Variants in SEPTIN3 observed in about 807,000 individuals in gnomAD.
SEPTIN3 encodes the protein septin 3, also known as neuronal-specific septin-3.
In SEPTIN3, 15 loss-of-function variants were observed where a neutral mutation model predicts 45.1. The ratio of observed to expected loss-of-function variants is 0.33; its 90% CI spans 0.22 to 0.51. The LOEUF (loss-of-function observed/expected upper bound fraction) is 0.51. SEPTIN3 is among the 20% of genes least tolerant of loss of function. The pLI, the probability that SEPTIN3 is intolerant of heterozygous loss-of-function variation, is 0.97. For missense variants in SEPTIN3, 289 were observed against 457.2 expected, an observed-to-expected ratio of 0.63 and a Z score of 3.35; for synonymous variants, 148 against 164.8, an observed-to-expected ratio of 0.90 and a Z score of 0.78.
chr22:41,985,409 A>C (rs572664964), intron 3 of SEPTIN3, among the ~76,000 whole-genome samples: 126 of 152,286 alleles, frequency 8.3e-4, no homozygotes, highest in African/African-American at 3.0e-3. Context: ...TAGAGCCAAG[A>C]TGTTATTAGG....
intron 9 of SEPTIN3, among the ~76,000 whole-genome samples, chr22:41,993,547 A>T (rs2078360480): frequency 6.6e-6 from 1 of 151,904 alleles, no homozygotes; most frequent in Non-Finnish European, 1.5e-5. Flanking sequence ...GTAGAGATGG[A>T]GTTTTGTCAT....
At chr22:41,988,861 C>A (rs1602418892) in intron 6 of SEPTIN3, among the ~76,000 whole-genome samples, 2 of 152,196 alleles carry the variant, frequency 1.3e-5, no homozygotes, top group East Asian at 3.8e-4. Context: ...CACGGTGGCT[C>A]TCGCCTATAA....
rs1373809087 is a variant in SEPTIN3, at chr22:41,987,645, T to C, written c.1931T>C (p.Ile644Thr). The C allele has an allele frequency of 1.2e-6, 2 of 1,613,462 alleles. No homozygotes were observed. The highest frequency in any genetic ancestry group is 1.7e-6 in the Non-Finnish European group (2 of 1,179,522). ...AGCTGGGAGCCCATTGAGAAGTACA[T>C]CAATGAGCAGTACGAGAAGTTCCTG... Reference protein sequence around the residue: ...ENCWEPIEKYINEQYEKFLKE... With the variant: ...ENCWEPIEKYTNEQYEKFLKE... Residue 644 changes from isoleucine (I) to threonine (T), a missense_variant, in exon 6 of 12, where the codon ATC (isoleucine) becomes ACC (threonine). Around this residue, in one of 3 missense-constraint regions of SEPTIN3, gnomAD observed 200 missense variants for 315.1 expected, o/e 0.63. Transcript: ENST00000644076.
In SEPTIN3 at chr22:41,994,383, T is replaced by C. The variant is rs1209012342; in HGVS notation, c.2411+42T>C. ...CCAGCTGTCCAGACAGCAGGTTGAATTATTTGGGGTCAGGGTCTATCTGTT... is the reference window on the plus strand; with the variant it reads ...CCAGCTGTCCAGACAGCAGGTTGAACTATTTGGGGTCAGGGTCTATCTGTT... On this transcript the variant is annotated intron_variant, in intron 10 of 11. Coordinates refer to ENST00000644076, the MANE Select transcript of SEPTIN3 (RefSeq NM_001363845.2). This position sits in a 1 kb window ranked among gnomAD's most constrained non-coding sequence, Gnocchi z 4.2. 1 of 1,601,944 alleles carries C rather than the reference T, an allele frequency of 6.2e-7. No individual in the cohort carries two copies. The highest frequency in any genetic ancestry group is 2.2e-5 in the East Asian group (1 of 44,804).
intron 6 of SEPTIN3, among the ~76,000 whole-genome samples, chr22:41,989,327 G>C (rs1257076530): frequency 6.6e-6 from 1 of 152,112 alleles, no homozygotes; most frequent in African/African-American, 2.4e-5. Flanking sequence ...GGTGGTTTGA[G>C]GGGGGCTTAA....
rs1227938274 is a variant in SEPTIN3, at chr22:41,976,820, A to T, written c.1504+3824A>T. 1 of 148,434 alleles carries T rather than the reference A, an allele frequency of 6.7e-6. No homozygotes were observed. Among genetic ancestry groups the T allele is most frequent in the Non-Finnish European group, 1.5e-5 (1 of 67,252 alleles). The allele number at this position is 148,434 out of a possible 1,614,324, so 9.2% of individuals were successfully genotyped here. ...GCGGCGGCGGCTGGCGGCGGCGGCA[A>T]CGGTGCGCGCGGACAGGGGCGGCGC... On this transcript the variant is annotated intron_variant, in intron 2 of 11. Transcript: ENST00000644076. The surrounding 1 kb of genome is among the most constrained non-coding windows in gnomAD (Gnocchi z 5.8).
At chr22:41,977,525 C>T (rs2078049300) in intron 2 of SEPTIN3, among the ~76,000 whole-genome samples, 1 of 152,084 alleles carries the variant, frequency 6.6e-6, no homozygotes. Context: ...GATGGGGGAA[C>T]GGGTGTCCCA....
chr22:41,989,749 C>A, intron 7 of SEPTIN3, 65 bp downstream of exon 7: 1 of 1,072,658 alleles, frequency 9.3e-7, no homozygotes, highest in Non-Finnish European at 1.4e-6. Flanking sequence ...TGGGTTCAGG[C>A]CATCTCCTAG....
In SEPTIN3 at chr22:41,981,646, GC is replaced by G. The variant is rs1366544990; in HGVS notation, c.1507del (p.Leu503SerfsTer25). ...ACCCCTCCCACCTTGGCTCTGCAGG[GC>G]TCCCAGAGACCAGGACGGACGCAGC... ...SLDLATEYKGLPETRTDAAMS... is the reference protein window; with the variant it reads ...SLDLATEYKGXPETRTDAAMS... On this transcript the variant is annotated frameshift_variant and splice_region_variant, in exon 3 of 12. Transcript: ENST00000644076. LOFTEE classifies it high-confidence loss of function. The G allele has an allele frequency of 6.2e-7, 1 of 1,610,718 alleles. No homozygotes were observed. Among genetic ancestry groups the G allele is most frequent in the Admixed American group, 1.7e-5 (1 of 59,916 alleles).
At chr22:41,980,338 A>G (rs1328654376) in intron 2 of SEPTIN3, among the ~76,000 whole-genome samples, 1 of 152,070 alleles carries the variant, frequency 6.6e-6, no homozygotes, top group African/African-American at 2.4e-5. Flanking sequence ...GGGTTTCACT[A>G]TGTTGATCAG....
At chr22:41,978,074 A>G (rs1314311312) in intron 2 of SEPTIN3, among the ~76,000 whole-genome samples, 1 of 152,036 alleles carries the variant, frequency 6.6e-6, no homozygotes, top group East Asian at 1.9e-4. Context: ...GCTCTTCCCC[A>G]CCCTTGGGGA....
intron 2 of SEPTIN3, among the ~76,000 whole-genome samples, chr22:41,974,526 G>A (rs1293724549): frequency 6.6e-6 from 1 of 151,958 alleles, no homozygotes; most frequent in Non-Finnish European, 1.5e-5. Flanking sequence ...AGCCGGGTGT[G>A]GTGGTGGGTG....
At position 41,981,741 on chromosome 22, in the gene SEPTIN3, C is replaced by T. The variant is rs765624836; in HGVS notation, c.1601C>T (p.Ser534Phe). The T allele has an allele frequency of 6.2e-7, 1 of 1,614,112 alleles. No individual in the cohort carries two copies. Among genetic ancestry groups the T allele is most frequent in the Non-Finnish European group, 8.5e-7 (1 of 1,180,008 alleles). ...CCCATGAAGCCCATGAGCATCAACT[C>T]CAACCTGCTGGGCTACATCGGCATC... ...AVPMKPMSIN[S>F]NLLGYIGIDT... The change falls in exon 3 of 12, where the codon TCC (serine) becomes TTC (phenylalanine). Residue 534 changes from serine (S) to phenylalanine (F), a missense_variant. Coordinates refer to ENST00000644076, the MANE Select transcript of SEPTIN3 (RefSeq NM_001363845.2).
intron 8 of SEPTIN3, 139 bp downstream of exon 8, chr22:41,991,807 G>C (rs2146719464): frequency 2.9e-6 from 2 of 686,410 alleles, no homozygotes; most frequent in African/African-American, 1.8e-5. Context: ...GTGACATAGG[G>C]GGATGGGGAG....
rs1312189889 is a variant in SEPTIN3, at chr22:41,971,771, G to A, written c.279G>A (p.Leu93=). ...CGGGCATCGCTCTGGGGGCTTCCTT[G>A]AGCCCCCTGCCCACCAGCAGCCTTG... is the stretch of plus-strand genomic sequence containing the variant. ...QETGIALGAS[L]SPLPTSSLVP... is the part of the protein sequence containing the mutation. The change falls in exon 2 of 12, where the codon TTG becomes TTA. Residue 93 remains leucine, a synonymous_variant. Transcript: ENST00000644076. The A allele has an allele frequency of 2.5e-6, 1 of 399,108 alleles. No individual in the cohort carries two copies. Among genetic ancestry groups the A allele is most frequent in the East Asian group, 3.6e-5 (1 of 28,066 alleles). The allele number at this position is 399,108 out of a possible 1,614,324, so 24.7% of individuals were successfully genotyped here.
At chr22:41,991,745 C>G in intron 8 of SEPTIN3, 77 bp downstream of exon 8, 1 of 1,006,570 alleles carries the variant, frequency 9.9e-7, no homozygotes, top group South Asian at 1.3e-5. Context: ...CGTCCTCTGT[C>G]TGTCTTTTCC....
Position 41,994,344 on chromosome 22 carries a change from A to G in SEPTIN3, c.2411+3A>G, listed in dbSNP as rs2078383943. 3 of 1,613,956 alleles carry G rather than the reference A, an allele frequency of 1.9e-6. No homozygotes were observed. The highest frequency in any genetic ancestry group is 2.5e-6 in the Non-Finnish European group (3 of 1,179,946). ...CTGCTTCGAGACTTTGTCATCAGGTAAGATGTCTCCCCTCCAGCTGTCCAG... is the reference window on the plus strand; with the variant it reads ...CTGCTTCGAGACTTTGTCATCAGGTGAGATGTCTCCCCTCCAGCTGTCCAG... On this transcript the variant is annotated splice_donor_region_variant and intron_variant, in intron 10 of 11. Coordinates refer to ENST00000644076, the MANE Select transcript of SEPTIN3 (RefSeq NM_001363845.2). This position sits in a 1 kb window ranked among gnomAD's most constrained non-coding sequence, Gnocchi z 4.2.
At chr22:41,971,351 C>T (rs1320239147) in intron 1 of SEPTIN3, 123 bp from the exon 2 acceptor site, 3 of 397,838 alleles carry the variant, frequency 7.5e-6, no homozygotes, top group Non-Finnish European at 8.8e-6. Context: ...ACTGGACAGT[C>T]CCCAGAACCA....
At chr22:41,990,138 T>C (rs961919202) in intron 7 of SEPTIN3, among the ~76,000 whole-genome samples, 2 of 151,850 alleles carry the variant, frequency 1.3e-5, no homozygotes, top group African/African-American at 4.8e-5. Flanking sequence ...CCTTACGGGT[T>C]CACGCCATTC....
Sources: gnomAD v4.1 joint callset for allele counts (sites outside exome capture counted in the v4.1 genomes callset) on GRCh38, gnomAD v4.1.1 for gene constraint, gnomAD v4.1.1 regional missense constraint, Gnocchi (gnomAD v3.1) non-coding constraint, MANE v1.5 for transcripts, NCBI Gene and HGNC (gene_info 2026-07-23, HGNC 2026-07-21) for gene names.